LCOR: variants seen among roughly 807,000 people sequenced by gnomAD.
LCOR encodes the protein ligand-dependent corepressor.
In LCOR, 14 loss-of-function variants were observed where a neutral mutation model predicts 64.4. The ratio of observed to expected loss-of-function variants is 0.22; its 90% CI spans 0.14 to 0.34. LCOR has a LOEUF of 0.34. Among genes scored for constraint, LCOR ranks in the 10% least tolerant of loss-of-function variants. LCOR has a pLI of 1.00. For synonymous variants in LCOR, 643 were observed against 642.5 expected, an observed-to-expected ratio of 1.00 and a Z score of -0.01; for missense variants, 1,686 against 1,765.3, an observed-to-expected ratio of 0.96 and a Z score of 0.80.
intron 4 of LCOR, among the ~76,000 whole-genome samples, chr10:96,932,159 A>G (rs1160192526): frequency 4.6e-5 from 7 of 152,206 alleles, no homozygotes; most frequent in African/African-American, 1.7e-4. Context: ...AGACTTATGT[A>G]ATTTTAAAAA....
At chr10:96,847,256 G>A (rs770703378) in intron 2 of LCOR, among the ~76,000 whole-genome samples, 4 of 150,578 alleles carry the variant, frequency 2.7e-5, no homozygotes, top group Admixed American at 6.7e-5. Context: ...AAAATGAAAA[G>A]AGAAGCTAGA....
At chr10:96,919,813 T>C (rs1276149756) in intron 4 of LCOR, among the ~76,000 whole-genome samples, 1 of 152,232 alleles carries the variant, frequency 6.6e-6, no homozygotes, top group African/African-American at 2.4e-5. Context: ...TTCTATATTG[T>C]TGTATGTGTC....
intron 7 of LCOR, among the ~76,000 whole-genome samples, chr10:96,971,537 A>C (rs1847999463): frequency 6.6e-6 from 1 of 152,182 alleles, no homozygotes; most frequent in Non-Finnish European, 1.5e-5. Flanking sequence ...TGTTTAACAA[A>C]AGATACAAGC....
chr10:96,909,080 C>A (rs1407493699), intron 4 of LCOR, among the ~76,000 whole-genome samples: 1 of 152,152 alleles, frequency 6.6e-6, no homozygotes, highest in African/African-American at 2.4e-5. Context: ...TCCCTCACAA[C>A]GAATTTCATT....
chr10:96,853,140 C>T (rs1564603428), intron 2 of LCOR, among the ~76,000 whole-genome samples: 1 of 152,054 alleles, frequency 6.6e-6, no homozygotes, highest in South Asian at 2.1e-4. Context: ...CAGCCTCCAC[C>T]TTCCGGGTTC....
At chr10:96,937,384 C>T (rs893656284) in intron 4 of LCOR, among the ~76,000 whole-genome samples, 4 of 152,150 alleles carry the variant, frequency 2.6e-5, no homozygotes, top group Non-Finnish European at 5.9e-5. Flanking sequence ...TTTTAAGCCA[C>T]CCAGTTTGTG....
intron 7 of LCOR, chr10:96,957,401 G>GT: frequency 1.0e-6 from 1 of 985,142 alleles, no homozygotes. Context: ...ATTTTCTGCG[G>GT]TTTTTGCAAG....
intron 4 of LCOR, among the ~76,000 whole-genome samples, chr10:96,918,344 A>G (rs114998944): frequency 0.028 from 4,226 of 152,150 alleles, 200 homozygotes; most frequent in African/African-American, 0.096. Context: ...GTACCCTCCA[A>G]ACATACTACA....
At chr10:96,945,197 G>C (rs1324044681) in intron 5 of LCOR, among the ~76,000 whole-genome samples, 3 of 152,012 alleles carry the variant, frequency 2.0e-5, no homozygotes, top group Non-Finnish European at 2.9e-5. Flanking sequence ...ATATGTTCTA[G>C]TTTACACCTC....
chr10:96,896,482 G>A (rs1846539411), intron 2 of LCOR, among the ~76,000 whole-genome samples: 1 of 151,932 alleles, frequency 6.6e-6, no homozygotes, highest in Non-Finnish European at 1.5e-5. Context: ...AAAGTGCAGT[G>A]GCATCATCTT....
At chr10:96,965,525 G>T (rs1469152656) in intron 7 of LCOR, among the ~76,000 whole-genome samples, 3 of 150,594 alleles carry the variant, frequency 2.0e-5, no homozygotes, top group Non-Finnish European at 1.5e-5. Context: ...AGCCGGGCGT[G>T]GTGGCGGGCG....
chr10:96,978,734 C>A (rs573662701), intron 7 of LCOR, among the ~76,000 whole-genome samples: 1 of 152,332 alleles, frequency 6.6e-6, no homozygotes, highest in South Asian at 2.1e-4. Flanking sequence ...GGTTAAGCAA[C>A]AGATTTGACT....
At chr10:96,857,544 C>G (rs1481712459) in intron 2 of LCOR, among the ~76,000 whole-genome samples, 1 of 152,146 alleles carries the variant, frequency 6.6e-6, no homozygotes, top group African/African-American at 2.4e-5. Flanking sequence ...TCTTACTTCT[C>G]TCTCAGCTGA....
At position 96,949,049 on chromosome 10, in the gene LCOR, C is replaced by G; in HGVS notation, c.-9C>G. The G allele has an allele frequency of 6.2e-7, 1 of 1,613,710 alleles. No homozygotes were observed. Among genetic ancestry groups the G allele is most frequent in the Non-Finnish European group, 8.5e-7 (1 of 1,179,822 alleles). ...CGACCCCAATATTCCCCTAGTGGCCCGTGAGATCATGCAGCGAATGATCCA... is the reference window on the plus strand; with the variant it reads ...CGACCCCAATATTCCCCTAGTGGCCGGTGAGATCATGCAGCGAATGATCCA... On this transcript the variant is annotated 5_prime_UTR_variant, in exon 6 of 8. Transcript: ENST00000421806.
At position 96,879,716 on chromosome 10, in the gene LCOR, G is replaced by T. The variant is rs144333759; in HGVS notation, c.-329-27549G>T. The stretch of plus-strand genomic sequence containing the variant: ...CTCACTCTGTCGCCCAGGCTGGAGT[G>T]CAGTGCGCGACGTTGGCGCACTGCA... On this transcript the variant is annotated intron_variant, in intron 2 of 7. Coordinates refer to ENST00000421806, the MANE Select transcript of LCOR (RefSeq NM_001346516.2). 8.0e-3 allele frequency among the ~76,000 whole-genome samples: 1,219 copies of T among 152,294 alleles called. 11 individuals are homozygous for T. Among genetic ancestry groups the T allele is most frequent in the South Asian group, 0.03 (143 of 4,824 alleles).
At chr10:96,971,505 A>T (rs1847999254) in intron 7 of LCOR, among the ~76,000 whole-genome samples, 2 of 152,152 alleles carry the variant, frequency 1.3e-5, no homozygotes, top group Admixed American at 6.5e-5. Context: ...TTAGGTCAAT[A>T]GTTACAAAGC....
At chr10:96,838,662 G>C (rs1180073536) in intron 2 of LCOR, among the ~76,000 whole-genome samples, 2 of 152,106 alleles carry the variant, frequency 1.3e-5, no homozygotes, top group Admixed American at 6.5e-5. Context: ...TCAGCACTTT[G>C]TTTCTTTTAT....
At chr10:96,864,614 G>GT (rs1173012681) in intron 2 of LCOR, among the ~76,000 whole-genome samples, 1 of 152,174 alleles carries the variant, frequency 6.6e-6, no homozygotes, top group Non-Finnish European at 1.5e-5. Context: ...TTCTCTGCAT[G>GT]TATGTATGGT....
At position 96,932,588 on chromosome 10, in the gene LCOR, C is replaced by T. The variant is rs1047462343; in HGVS notation, c.-183-11525C>T. 9.2e-5 allele frequency among the ~76,000 whole-genome samples: 14 copies of T among 152,210 alleles called. No homozygotes were observed. The East Asian group carries it at 1.7e-3, about 19-fold the overall frequency. On this transcript the variant is annotated intron_variant, in intron 4 of 7. Transcript: ENST00000421806. ...AAGCAATTCTCCTGCCTCAGCCTCC[C>T]GAGTAGCTGGGACTACAGGCGCACG...
Sources: allele counts gnomAD v4.1 joint callset (sites outside exome capture counted in the v4.1 genomes callset), GRCh38; gene constraint gnomAD v4.1.1; transcripts MANE v1.5; gene names NCBI Gene and HGNC (gene_info 2026-07-23, HGNC 2026-07-21).